The following NPAS3 variants were observed in gnomAD, a reference collection of about 807,000 sequenced individuals.
The protein encoded by NPAS3 is neuronal PAS domain protein 3, also known as neuronal PAS domain-containing protein 3.
A neutral mutation model predicts 73.1 loss-of-function variants in NPAS3; 14 were observed. That is an observed-to-expected ratio of 0.19 (90% confidence interval 0.13 to 0.30). NPAS3 has a LOEUF of 0.30. NPAS3 is among the 10% of genes least tolerant of loss of function. NPAS3 has a pLI of 1.00. For synonymous variants in NPAS3, 620 were observed against 541.5 expected (o/e 1.14, Z -2.01); for missense variants, 1,096 against 1,250.0 (o/e 0.88, Z 1.86).
rs182828972 is a variant in NPAS3 at position 33,587,894 on chromosome 14, G to A, written c.558+27684G>A. On this transcript the variant is annotated intron_variant, in intron 5 of 11. Coordinates refer to ENST00000356141, the Ensembl canonical transcript of NPAS3. ...TAAGGAGCACTACAGAACCTCAAAT[G>A]AATCCAATATGTAGAAGAACTCTGC... is the stretch of plus-strand genomic sequence containing the variant. Among the ~76,000 whole-genome samples, 42 of 152,264 alleles carry A rather than the reference G, an allele frequency of 2.8e-4. 1 individual carries two copies. In the East Asian group the frequency reaches 7.5e-3, roughly 27 times the overall value.
In NPAS3 at chr14:33,179,616, A is replaced by G. The variant is rs112902575; in HGVS notation, c.141-35566A>G. ...ACTTCAGCCTCTTACTCCTAAATCTATATTATTATGTCTGATCTGAATCAT... is the reference window on the plus strand; with the variant it reads ...ACTTCAGCCTCTTACTCCTAAATCTGTATTATTATGTCTGATCTGAATCAT... On this transcript the variant is annotated intron_variant, in intron 2 of 11. Coordinates refer to ENST00000356141, the Ensembl canonical transcript of NPAS3. Among the ~76,000 whole-genome samples the G allele has an allele frequency of 6.6e-3, 1,007 of 152,276 alleles. 3 individuals are homozygous for G. The highest frequency in any genetic ancestry group is 0.011 in the Non-Finnish European group (756 of 67,994).
chr14:33,730,963 T>TA (rs1337756639), intron 6 of NPAS3, among the ~76,000 whole-genome samples: 1 of 152,190 alleles, frequency 6.6e-6, no homozygotes, highest in African/African-American at 2.4e-5. Flanking sequence ...CTTCATGTCT[T>TA]AACAACCTAT....
chr14:33,735,654 C>G (rs562024253), intron 7 of NPAS3, among the ~76,000 whole-genome samples: 26 of 152,232 alleles, frequency 1.7e-4, no homozygotes, highest in Admixed American at 6.5e-4. Context: ...GTCCTCAAGA[C>G]GAGTGCTCTA....
chr14:33,218,601 A>G (rs757138632), intron 3 of NPAS3, among the ~76,000 whole-genome samples: 1 of 152,232 alleles, frequency 6.6e-6, no homozygotes, highest in Non-Finnish European at 1.5e-5. Context: ...AACGATAGAC[A>G]TTATACTTCA....
intron 6 of NPAS3, among the ~76,000 whole-genome samples, chr14:33,681,787 G>T (rs2059945212): frequency 6.6e-6 from 1 of 152,164 alleles, no homozygotes. Context: ...AATTCACATG[G>T]TGAGTACAGC....
At chr14:33,785,402 T>C (rs1306443479) in intron 9 of NPAS3, among the ~76,000 whole-genome samples, 1 of 129,072 alleles carries the variant, frequency 7.7e-6, no homozygotes, top group Non-Finnish European at 1.5e-5. Context: ...GCCACTGCAC[T>C]CCAGCCTGGG....
intron 1 of NPAS3, among the ~76,000 whole-genome samples, chr14:33,053,620 C>A (rs1285691418): frequency 6.6e-6 from 1 of 152,144 alleles, no homozygotes; most frequent in Non-Finnish European, 1.5e-5. Flanking sequence ...CATATTGTAG[C>A]AAGAAAGGTA....
intron 2 of NPAS3, among the ~76,000 whole-genome samples, chr14:33,197,292 T>G (rs1199691790): frequency 7.0e-6 from 1 of 143,134 alleles, no homozygotes; most frequent in Non-Finnish European, 1.5e-5. Flanking sequence ...AGATCCACTG[T>G]ACAGTCAGTC....
At chr14:33,080,184 T>C (rs1595396222) in intron 2 of NPAS3, among the ~76,000 whole-genome samples, 1 of 152,252 alleles carries the variant, frequency 6.6e-6, no homozygotes, top group Non-Finnish European at 1.5e-5. Flanking sequence ...CTCAGCTCAC[T>C]GCAATCTCTG....
At chr14:33,102,413 G>A (rs1377457509) in intron 2 of NPAS3, among the ~76,000 whole-genome samples, 1 of 152,150 alleles carries the variant, frequency 6.6e-6, no homozygotes, top group Non-Finnish European at 1.5e-5. Flanking sequence ...TTGTGTGGCT[G>A]TGAGATCTTT....
chr14:33,456,576 T>A (rs2050032767), intron 4 of NPAS3, among the ~76,000 whole-genome samples: 1 of 152,204 alleles, frequency 6.6e-6, no homozygotes, highest in African/African-American at 2.4e-5. Flanking sequence ...CCCTTCTGAT[T>A]AAAATAGTTT....
At chr14:33,631,214 A>C (rs911804632) in intron 5 of NPAS3, among the ~76,000 whole-genome samples, 21 of 152,190 alleles carry the variant, frequency 1.4e-4, no homozygotes, top group Non-Finnish European at 2.4e-4. Flanking sequence ...TCTCCACTGC[A>C]GCCAAGTCCT....
At chr14:33,710,857 C>A (rs989518231) in intron 6 of NPAS3, among the ~76,000 whole-genome samples, 7 of 152,158 alleles carry the variant, frequency 4.6e-5, no homozygotes, top group Admixed American at 6.5e-5. Flanking sequence ...TACAAACAAA[C>A]CTTTATTTCC....
At chr14:33,398,624 T>C (rs573471392) in intron 4 of NPAS3, among the ~76,000 whole-genome samples, 1 of 152,218 alleles carries the variant, frequency 6.6e-6, no homozygotes, top group Admixed American at 6.6e-5. Flanking sequence ...AAATGTACTC[T>C]GGCCCTAAAT....
At position 33,657,782 on chromosome 14, in the gene NPAS3, G is replaced by T. The variant is rs116109520; in HGVS notation, c.559-18429G>T. Among the ~76,000 whole-genome samples, 729 of 121,856 alleles carry T rather than the reference G, an allele frequency of 6.0e-3. 5 individuals carry two copies. The highest frequency in any genetic ancestry group is 0.022 in the African/African-American group (709 of 31,806). 79.9% of individuals were successfully genotyped at this position (121,856 alleles called of 152,430 possible). On this transcript the variant is annotated intron_variant, in intron 5 of 11. Coordinates refer to ENST00000356141, the Ensembl canonical transcript of NPAS3. Reference sequence around the variant, plus strand: ...CAAATACACAGGCATTAATTATGCAGATTATGTAAAAAAAAAAAAGATAAT... The same window carrying T: ...CAAATACACAGGCATTAATTATGCATATTATGTAAAAAAAAAAAAGATAAT...
rs1463777025 is a variant in NPAS3, at chr14:33,388,060, T to TAAA, written c.468+20792_468+20793insAAA. Reference sequence around the variant, plus strand: ...GTGTGACCTTGAGTAGGACCTTCACTGGTGAATGTGGTTTTACCAAGTAAA... The same window carrying TAAA: ...GTGTGACCTTGAGTAGGACCTTCACTAAAGGTGAATGTGGTTTTACCAAGTAAA... On this transcript the variant is annotated intron_variant, in intron 4 of 11. Transcript: ENST00000356141. 3.8e-4 allele frequency among the ~76,000 whole-genome samples: 58 copies of TAAA among 152,234 alleles called. 1 individual carries two copies. Among genetic ancestry groups the TAAA allele is most frequent in the African/African-American group, 9.9e-4 (41 of 41,556 alleles).
chr14:33,187,543 A>C (rs2046023368), intron 2 of NPAS3, among the ~76,000 whole-genome samples: 1 of 152,096 alleles, frequency 6.6e-6, no homozygotes, highest in Non-Finnish European at 1.5e-5. Context: ...AAAAATTCAG[A>C]TAATTCTGCC....
At chr14:33,764,210 G>T (rs1286940440) in intron 7 of NPAS3, among the ~76,000 whole-genome samples, 7 of 152,190 alleles carry the variant, frequency 4.6e-5, no homozygotes, top group South Asian at 2.1e-4. Flanking sequence ...GCAGCAGAAT[G>T]CTCTCTAGGA....
chr14:33,374,691 G>C (rs1202759369), intron 4 of NPAS3, among the ~76,000 whole-genome samples: 2 of 137,920 alleles, frequency 1.5e-5, no homozygotes, highest in South Asian at 2.5e-4. Flanking sequence ...AACAATGTTG[G>C]GGTGTGTCGG....
Sources: gnomAD v4.1 joint callset for allele counts (sites outside exome capture counted in the v4.1 genomes callset) on GRCh38, gnomAD v4.1.1 for gene constraint, MANE v1.5 for transcripts, NCBI Gene and HGNC (gene_info 2026-07-23, HGNC 2026-07-21) for gene names.